ROCK1: variants seen among roughly 807,000 people sequenced by gnomAD.
ROCK1 encodes the protein Rho associated coiled-coil containing protein kinase 1.
ROCK1 carries 36 observed loss-of-function variants against 196.8 expected under a neutral mutation model. That is an observed-to-expected ratio of 0.18 (90% CI 0.14 to 0.24). The LOEUF (loss-of-function observed/expected upper bound fraction) is 0.24, where lower values mean the gene tolerates loss of function less well. ROCK1 is among the 10% of genes least tolerant of loss of function. ROCK1 has a pLI of 1.00. For synonymous variants in ROCK1, 443 were observed against 515.9 expected (o/e 0.86, Z 1.91); for missense variants, 920 against 1,562.0 (o/e 0.59, Z 6.93).
At chr18:21,032,735 T>C (rs2036020356) in intron 9 of ROCK1, among the ~76,000 whole-genome samples, 1 of 150,594 alleles carries the variant, frequency 6.6e-6, no homozygotes, top group Non-Finnish European at 1.5e-5. Flanking sequence ...TTGACCAGGC[T>C]GATCTCGAAC....
intron 9 of ROCK1, among the ~76,000 whole-genome samples, chr18:21,032,414 T>C (rs1304355264): frequency 6.7e-6 from 1 of 150,310 alleles, no homozygotes; most frequent in Non-Finnish European, 1.5e-5. Context: ...CAAAATAGCA[T>C]ACTAGGGGAA....
intron 2 of ROCK1, among the ~76,000 whole-genome samples, chr18:21,055,013 G>A (rs1242841438): frequency 6.6e-6 from 1 of 152,046 alleles, no homozygotes. Context: ...TTCCCTCGTT[G>A]CACTGATAGC....
At chr18:21,032,506 GTTTT>G (rs368055407) in intron 9 of ROCK1, among the ~76,000 whole-genome samples, 16 of 129,250 alleles carry the variant, frequency 1.2e-4, no homozygotes, top group African/African-American at 3.8e-4. Context: ...AAATAGGAAA[GTTTT>G]TTTTTTTTTT....
At chr18:21,021,875 C>T (rs1598531627) in intron 11 of ROCK1, among the ~76,000 whole-genome samples, 2 of 152,234 alleles carry the variant, frequency 1.3e-5, no homozygotes, top group East Asian at 1.9e-4. Context: ...CTTATTATTA[C>T]GTAGGTCAAA....
chr18:21,015,410 T>C lies in ROCK1; in HGVS notation c.1410+21A>G, dbSNP rs368128352. 7 of 1,488,062 alleles carry C rather than the reference T, an allele frequency of 4.7e-6. No individual in the cohort carries two copies. The South Asian group carries it at 7.0e-5, about 15-fold the overall frequency. 92.2% of individuals were successfully genotyped at this position (1,488,062 alleles called of 1,614,324 possible). A position where few individuals can be genotyped will look rare whatever the true frequency, so the allele number is the denominator to read the frequency against. ...AGGGAAAAATCTCAAAAAGGAAACTTGATTAGAAAACAAAAAGTACCTCTT... is the reference window on the plus strand; with the variant it reads ...AGGGAAAAATCTCAAAAAGGAAACTCGATTAGAAAACAAAAAGTACCTCTT... On this transcript the variant is annotated intron_variant, in intron 13 of 32. Coordinates refer to ENST00000399799, the MANE Select transcript of ROCK1 (RefSeq NM_005406.3).
At chr18:21,035,619 GTAATA>G (rs1214015966) in intron 9 of ROCK1, among the ~76,000 whole-genome samples, 3 of 152,134 alleles carry the variant, frequency 2.0e-5, no homozygotes, top group Non-Finnish European at 4.4e-5. Context: ...TAAAATATCC[GTAATA>G]TAATATGGAA....
chr18:20,967,677 A>G, intron 26 of ROCK1, 75 bp downstream of exon 26: 4 of 1,133,776 alleles, frequency 3.5e-6, no homozygotes, highest in East Asian at 2.5e-5. Context: ...AGATAAATAG[A>G]TAACAAGTAT....
intron 4 of ROCK1, among the ~76,000 whole-genome samples, chr18:21,046,428 C>T (rs1487857673): frequency 6.6e-6 from 1 of 152,164 alleles, no homozygotes. Flanking sequence ...GTGCACCTAA[C>T]AGATTAACTG....
rs908177095 is a variant in ROCK1, at chr18:20,979,896, T to C, written c.2654+14A>G. The C allele has an allele frequency of 2.6e-6, 4 of 1,524,194 alleles. No homozygotes were observed. The African/African-American group carries it at 4.2e-5, about 16-fold the overall frequency. 94.4% of individuals were successfully genotyped at this position (1,524,194 alleles called of 1,614,324 possible). ...TGCAGTACTGATTCTTGTTCTAAAG[T>C]AAAATGGACATACTTTTCATTTTGT... On this transcript the variant is annotated intron_variant, in intron 22 of 32. Coordinates refer to ENST00000399799, the MANE Select transcript of ROCK1 (RefSeq NM_005406.3).
chr18:21,053,254 T>C (rs2036218860), intron 2 of ROCK1, among the ~76,000 whole-genome samples: 1 of 151,982 alleles, frequency 6.6e-6, no homozygotes, highest in Non-Finnish European at 1.5e-5. Flanking sequence ...AAACCACTCA[T>C]ACACTTACAT....
intron 9 of ROCK1, among the ~76,000 whole-genome samples, chr18:21,033,722 T>C (rs1288266300): frequency 2.6e-5 from 4 of 151,050 alleles, no homozygotes; most frequent in African/African-American, 9.7e-5. Context: ...CAATTCCATT[T>C]AAAATAATGT....
At chr18:20,957,102 T>C (rs2035249627) in intron 29 of ROCK1, among the ~76,000 whole-genome samples, 2 of 152,168 alleles carry the variant, frequency 1.3e-5, no homozygotes, top group South Asian at 4.1e-4. Flanking sequence ...GAGAATTGTT[T>C]GGTAGATTTT....
chr18:20,954,763 C>G lies in ROCK1; in HGVS notation c.3853+20G>C. ...AAATTAAATTTGTTATAAGTTGTAA[C>G]AATAATTACCATGCCTTACCTTTAC... On this transcript the variant is annotated intron_variant, in intron 31 of 32. Coordinates refer to ENST00000399799, the MANE Select transcript of ROCK1 (RefSeq NM_005406.3). 4 of 1,557,728 alleles carry G rather than the reference C, an allele frequency of 2.6e-6. No homozygotes were observed. Among genetic ancestry groups the G allele is most frequent in the Non-Finnish European group, 1.7e-6 (2 of 1,155,310 alleles).
intron 12 of ROCK1, among the ~76,000 whole-genome samples, chr18:21,015,955 G>C (rs1196856672): frequency 1.3e-5 from 2 of 151,734 alleles, no homozygotes; most frequent in Non-Finnish European, 2.9e-5. Flanking sequence ...ACTCCAGCCT[G>C]GGTGATACAG....
At chr18:20,960,624 A>G (rs2035318375) in intron 27 of ROCK1, 1 of 157,540 alleles carries the variant, frequency 6.3e-6, no homozygotes, top group East Asian at 1.9e-4. Flanking sequence ...TTTACACAAG[A>G]AAGAGCAAGC....
intron 1 of ROCK1, among the ~76,000 whole-genome samples, chr18:21,094,382 T>C (rs765721903): frequency 3.9e-5 from 6 of 152,032 alleles, no homozygotes; most frequent in Non-Finnish European, 8.8e-5. Context: ...ATAACTAGAA[T>C]ATATAAGGAG....
chr18:21,103,987 ATG>A (rs748236134), intron 1 of ROCK1, among the ~76,000 whole-genome samples: 1 of 152,208 alleles, frequency 6.6e-6, no homozygotes, highest in Non-Finnish European at 1.5e-5. Context: ...TCTTGAACAC[ATG>A]TGTGTCGTAT....
intron 16 of ROCK1, among the ~76,000 whole-genome samples, chr18:20,993,599 T>A (rs1337257496): frequency 2.6e-5 from 4 of 152,200 alleles, no homozygotes; most frequent in Non-Finnish European, 4.4e-5. Context: ...AAGTGTTTAA[T>A]AAAATTACTT....
At chr18:21,053,477 A>G (rs957492266) in intron 2 of ROCK1, among the ~76,000 whole-genome samples, 1 of 152,182 alleles carries the variant, frequency 6.6e-6, no homozygotes, top group African/African-American at 2.4e-5. Flanking sequence ...TCATTGCATA[A>G]TTTAAAAAAA....
Sources: allele counts gnomAD v4.1 joint callset (sites outside exome capture counted in the v4.1 genomes callset), GRCh38; gene constraint gnomAD v4.1.1; transcripts MANE v1.5; gene names NCBI Gene and HGNC (gene_info 2026-07-23, HGNC 2026-07-21).